TM6SF2: variants seen among roughly 807,000 people sequenced by gnomAD.
TM6SF2 encodes transmembrane 6 superfamily member 2.
Under a neutral mutation model 41.0 loss-of-function variants are expected in TM6SF2, and 29 were observed. That is an observed-to-expected ratio of 0.71 (90% confidence interval 0.53 to 0.96). The LOEUF (loss-of-function observed/expected upper bound fraction) is 0.96, where lower values mean the gene tolerates loss of function less well. Ranked by LOEUF, TM6SF2 falls within the 50% of genes least tolerant of loss-of-function variation. The pLI, the probability that TM6SF2 is intolerant of heterozygous loss-of-function variation, is 0.00. For missense variants in TM6SF2, 475 were observed against 499.0 expected, an observed-to-expected ratio of 0.95 and a Z score of 0.46; for synonymous variants, 200 against 209.1, an observed-to-expected ratio of 0.96 and a Z score of 0.37.
rs1361895403 is a variant in TM6SF2 at position 19,270,210 on chromosome 19, GGTAGTGAACAGTGCCATCCCA to G, written c.343_363del (p.Trp115_Tyr121del). ...GCGCCGGCCATGGCCAGGTAGAGGA[GGTAGTGAACAGTGCCATCCCA>G]GTAGCAGATGAAGACTCCGTGCGCT... On this transcript the variant is annotated inframe_deletion, in exon 4 of 10. Coordinates refer to ENST00000389363, the MANE Select transcript of TM6SF2 (RefSeq NM_001001524.3). 6.2e-7 allele frequency: 1 copy of G among 1,614,134 alleles called. No homozygotes were observed. Among genetic ancestry groups the G allele is most frequent in the Non-Finnish European group, 8.5e-7 (1 of 1,180,044 alleles).
intron 8 of TM6SF2, 97 bp from the exon 9 acceptor site, chr19:19,266,706 A>G: frequency 6.9e-7 from 1 of 1,454,786 alleles, no homozygotes; most frequent in East Asian, 2.5e-5. Flanking sequence ...CTGAGGAAGG[A>G]TCTGGATGGC....
chr19:19,268,232 G>T (rs1391980514), intron 6 of TM6SF2, 145 bp from the exon 7 acceptor site: 3 of 605,660 alleles, frequency 5.0e-6, no homozygotes, highest in Admixed American at 3.4e-5. Flanking sequence ...TTGAGACAGG[G>T]TCTCATTCTG....
At chr19:19,269,246 CT>C (rs1163367794) in intron 5 of TM6SF2, among the ~76,000 whole-genome samples, 1 of 152,188 alleles carries the variant, frequency 6.6e-6, no homozygotes, top group Non-Finnish European at 1.5e-5. Context: ...AATTTACCTT[CT>C]GAATATGGAT....
intron 9 of TM6SF2, 103 bp downstream of exon 9, chr19:19,266,387 G>A: frequency 1.3e-6 from 2 of 1,499,400 alleles, no homozygotes; most frequent in East Asian, 2.3e-5. Flanking sequence ...GGGGCCTCTT[G>A]GGGGCTCATC....
chr19:19,266,754 T>C (rs1170955780), intron 8 of TM6SF2, 145 bp from the exon 9 acceptor site: 4 of 959,428 alleles, frequency 4.2e-6, no homozygotes, highest in East Asian at 5.6e-5. Flanking sequence ...AGTGCTCCTC[T>C]ATTTCCCTTG....
Position 19,273,116 on chromosome 19 carries a change from C to G in TM6SF2, c.95+5G>C. On this transcript the variant is annotated splice_donor_5th_base_variant and intron_variant, in intron 1 of 9. Coordinates refer to ENST00000389363, the MANE Select transcript of TM6SF2 (RefSeq NM_001001524.3). Reference sequence around the variant, plus strand: ...AAGGCCGCCCTGGCCCCTCTCCGCACGCACTGCGAGAGCGCCGAGACGTGG... The same window carrying G: ...AAGGCCGCCCTGGCCCCTCTCCGCAGGCACTGCGAGAGCGCCGAGACGTGG... 1 of 1,482,072 alleles carries G rather than the reference C, an allele frequency of 6.7e-7. No homozygotes were observed. Among genetic ancestry groups the G allele is most frequent in the Non-Finnish European group, 8.9e-7 (1 of 1,121,382 alleles). The allele number at this position is 1,482,072 out of a possible 1,614,324, so 91.8% of individuals were successfully genotyped here.
intron 5 of TM6SF2, among the ~76,000 whole-genome samples, chr19:19,269,116 G>C (rs369732627): frequency 6.6e-6 from 1 of 152,128 alleles, no homozygotes. Flanking sequence ...GCCACCACAC[G>C]TGGCCTCTCT....
chr19:19,268,066 C>G lies in TM6SF2; in HGVS notation c.631G>C (p.Gly211Arg), dbSNP rs546522622. Reference sequence around the variant, plus strand: ...AGGTCAGCCGGACGCTGCAGGAGTCCCTTTCTTTGTTCCTCTTGCACCTGG... The same window carrying G: ...AGGTCAGCCGGACGCTGCAGGAGTCGCTTTCTTTGTTCCTCTTGCACCTGG... ...ANMVQEEQRK[G>R]LLQRPADLAL... The change falls in exon 7 of 10, where the codon GGA becomes CGA. Residue 211 changes from glycine (G) to arginine (R), a missense_variant. This residue lies in a region of TM6SF2 where 47 missense variants were observed against 80.3 expected (regional missense o/e 0.59). Coordinates refer to ENST00000389363, the MANE Select transcript of TM6SF2 (RefSeq NM_001001524.3). 6.2e-6 allele frequency: 10 copies of G among 1,613,782 alleles called. No homozygotes were observed. The East Asian group carries it at 2.2e-4, about 36-fold the overall frequency.
chr19:19,266,871 T>C (rs2061004887), intron 8 of TM6SF2, among the ~76,000 whole-genome samples: 1 of 152,196 alleles, frequency 6.6e-6, no homozygotes, highest in Non-Finnish European at 1.5e-5. Context: ...CAGCCCCCTG[T>C]CCATGATGCT....
chr19:19,272,944 G>A (rs1158116980), intron 1 of TM6SF2, among the ~76,000 whole-genome samples, 177 bp downstream of exon 1: 3 of 152,118 alleles, frequency 2.0e-5, no homozygotes, highest in East Asian at 3.9e-4. Flanking sequence ...TCCGGTTAGA[G>A]GGGGGTGTTC....
rs8112245 is a variant in TM6SF2, at chr19:19,264,562, C to T, written c.*102G>A. On this transcript the variant is annotated 3_prime_UTR_variant, in exon 10 of 10. Coordinates refer to ENST00000389363, the MANE Select transcript of TM6SF2 (RefSeq NM_001001524.3). ...TACCATAGCCAAGACTAAAGACACC[C>T]GGAGATGTCCCTCCTGTCTCTAAAA... is the stretch of plus-strand genomic sequence containing the variant. 2,550 of 1,043,508 alleles carry T rather than the reference C, an allele frequency of 2.4e-3. 52 individuals carry two copies. In the African/African-American group the frequency reaches 0.038, roughly 16 times the overall value. 64.6% of individuals were successfully genotyped at this position (1,043,508 alleles called of 1,614,324 possible).
At chr19:19,272,616 G>A (rs2061027809) in intron 1 of TM6SF2, among the ~76,000 whole-genome samples, 2 of 151,988 alleles carry the variant, frequency 1.3e-5, no homozygotes, top group South Asian at 2.1e-4. Flanking sequence ...CCAGTAGGGG[G>A]AACTGAGTCT....
At position 19,264,597 on chromosome 19, in the gene TM6SF2, C is replaced by T; in HGVS notation, c.*67G>A. 3.0e-6 allele frequency: 4 copies of T among 1,325,850 alleles called. No homozygotes were observed. The highest frequency in any genetic ancestry group is 3.0e-6 in the Non-Finnish European group (3 of 1,016,904). The allele number at this position is 1,325,850 out of a possible 1,614,324, so 82.1% of individuals were successfully genotyped here. On this transcript the variant is annotated 3_prime_UTR_variant, in exon 10 of 10. Transcript: ENST00000389363. ...CCTCCTGTCTCTAAAACACCCAACC[C>T]CCGCTTCCCCAGGTAGGGCTGACTG... is the stretch of plus-strand genomic sequence containing the variant.
intron 8 of TM6SF2, among the ~76,000 whole-genome samples, chr19:19,267,405 G>C (rs975109224): frequency 2.7e-5 from 4 of 150,010 alleles, no homozygotes; most frequent in African/African-American, 9.8e-5. Context: ...AGAAAGAAAA[G>C]AAAGGAAAAG....
chr19:19,270,932 G>C, intron 2 of TM6SF2, 90 bp downstream of exon 2: 3 of 1,063,722 alleles, frequency 2.8e-6, no homozygotes, highest in East Asian at 2.4e-5. Context: ...CCCCCAGTCT[G>C]ATGGAGGAGG....
chr19:19,266,093 G>A (rs1599836053), intron 9 of TM6SF2, among the ~76,000 whole-genome samples: 2 of 152,044 alleles, frequency 1.3e-5, no homozygotes, highest in South Asian at 2.1e-4. Context: ...TCAGCATCCA[G>A]CTGCCAATTT....
chr19:19,273,209 T>C lies in TM6SF2; in HGVS notation c.7A>G (p.Ile3Val). 2 of 1,435,150 alleles carry C rather than the reference T, an allele frequency of 1.4e-6. No individual in the cohort carries two copies. Among genetic ancestry groups the C allele is most frequent in the Middle Eastern group, 1.9e-4 (1 of 5,366 alleles). The allele number at this position is 1,435,150 out of a possible 1,614,324, so 88.9% of individuals were successfully genotyped here. Residue 3 changes from isoleucine to valine, a missense_variant, in exon 1 of 10, where the codon ATC (isoleucine) becomes GTC (valine). Coordinates refer to ENST00000389363, the MANE Select transcript of TM6SF2 (RefSeq NM_001001524.3). ...GCGATCTTGCCGGCCAGCGGCGGGATGTCCATAGCGGCGGCTGCTGGACCC... is the reference window on the plus strand; with the variant it reads ...GCGATCTTGCCGGCCAGCGGCGGGACGTCCATAGCGGCGGCTGCTGGACCC... MD[I>V]PPLAGKIAAL...
Position 19,267,966 on chromosome 19 carries a change from A to ACCAACCGGGGGAGT in TM6SF2, c.711+19_711+20insACTCCCCCGGTTGG. The stretch of plus-strand genomic sequence containing the variant: ...GAGACTGGTGGCAGGGGAGGGGGAG[A>ACCAACCGGGGGAGT]CCAACCAGCGCAGACTCACCAGGCC... On this transcript the variant is annotated intron_variant, in intron 7 of 9. Coordinates refer to ENST00000389363, the MANE Select transcript of TM6SF2 (RefSeq NM_001001524.3). 1 of 1,596,890 alleles carries ACCAACCGGGGGAGT rather than the reference A, an allele frequency of 6.3e-7. No homozygotes were observed. Among genetic ancestry groups the ACCAACCGGGGGAGT allele is most frequent in the Non-Finnish European group, 8.6e-7 (1 of 1,165,754 alleles).
intron 9 of TM6SF2, among the ~76,000 whole-genome samples, chr19:19,266,035 C>A (rs944344709): frequency 1.3e-5 from 2 of 152,146 alleles, no homozygotes; most frequent in Non-Finnish European, 2.9e-5. Flanking sequence ...CCTCCTCAAA[C>A]GCCCCATCAC....
Sources: gnomAD v4.1 joint callset for allele counts (sites outside exome capture counted in the v4.1 genomes callset) on GRCh38, gnomAD v4.1.1 for gene constraint, gnomAD v4.1.1 regional missense constraint, MANE v1.5 for transcripts, NCBI Gene and HGNC (gene_info 2026-07-23, HGNC 2026-07-21) for gene names.